Variants in DPPA2 observed in about 807,000 individuals in gnomAD.
DPPA2 encodes developmental pluripotency-associated protein 2.
Under a neutral mutation model 36.2 loss-of-function variants are expected in DPPA2, and 26 were observed. The observed-to-expected ratio is 0.72, with a 90% CI of 0.53 to 1.00. The LOEUF is 1.00. Ranked by LOEUF, DPPA2 falls within the 50% of genes least tolerant of loss-of-function variation. DPPA2 has a pLI of 0.00. For synonymous variants in DPPA2, 113 were observed against 123.2 expected (o/e 0.92, Z 0.55); for missense variants, 361 against 365.1 (o/e 0.99, Z 0.09).
intron 6 of DPPA2, among the ~76,000 whole-genome samples, chr3:109,305,644 C>T (rs1381003146): frequency 1.3e-5 from 2 of 151,882 alleles, no homozygotes; most frequent in Non-Finnish European, 1.5e-5. Flanking sequence ...TGTGGTGGCA[C>T]GCGCCTGTAA....
At chr3:109,297,453 G>C (rs1707375482) in intron 8 of DPPA2, among the ~76,000 whole-genome samples, 2 of 151,946 alleles carry the variant, frequency 1.3e-5, no homozygotes. Flanking sequence ...GAACCCAGGA[G>C]GCAAAGGTTG....
intron 7 of DPPA2, among the ~76,000 whole-genome samples, chr3:109,301,001 T>TA (rs71129037): frequency 4.0e-5 from 6 of 150,444 alleles, no homozygotes; most frequent in Admixed American, 6.6e-5. Context: ...TTTTTTTTTT[T>TA]AAGACAGGTT....
At chr3:109,311,679 G>A (rs1291367407) in intron 3 of DPPA2, among the ~76,000 whole-genome samples, 2 of 151,700 alleles carry the variant, frequency 1.3e-5, no homozygotes, top group Non-Finnish European at 2.9e-5. Context: ...GGCGGAGGTT[G>A]CAGTGAGCCA....
chr3:109,302,235 A>G (rs1235016613), intron 7 of DPPA2, among the ~76,000 whole-genome samples: 2 of 152,198 alleles, frequency 1.3e-5, no homozygotes, highest in Non-Finnish European at 1.5e-5. Context: ...TACTTCTCTC[A>G]GAACTCTAGA....
intron 3 of DPPA2, among the ~76,000 whole-genome samples, chr3:109,311,241 A>G (rs1707704350): frequency 1.3e-5 from 2 of 152,208 alleles, no homozygotes; most frequent in Non-Finnish European, 2.9e-5. Flanking sequence ...ATTTTGGACC[A>G]CAAAATATCA....
rs138236693 is a variant in DPPA2 at position 109,315,827 on chromosome 3, G to C, written c.-14+457C>G. ...GACGACCACTTGAGTCCAGAAGTTC[G>C]AGACCAGCCTGGGCAATATAGTGAG... On this transcript the variant is annotated intron_variant, in intron 1 of 8. Transcript: ENST00000478945. Among the ~76,000 whole-genome samples the C allele has an allele frequency of 2.0e-3, 298 of 152,142 alleles. 4 individuals are homozygous for C. Among genetic ancestry groups the C allele is most frequent in the East Asian group, 3.5e-3 (18 of 5,160 alleles).
intron 3 of DPPA2, among the ~76,000 whole-genome samples, chr3:109,309,551 G>T (rs868220940): frequency 6.6e-6 from 1 of 151,700 alleles, no homozygotes; most frequent in African/African-American, 2.4e-5. Context: ...TTAGCCGGGC[G>T]TGCTGGCGGG....
intron 7 of DPPA2, among the ~76,000 whole-genome samples, chr3:109,303,786 A>G (rs1457251797): frequency 6.6e-6 from 1 of 152,162 alleles, no homozygotes; most frequent in Non-Finnish European, 1.5e-5. Context: ...ACAAGTCTCT[A>G]AAATTGAGGC....
intron 7 of DPPA2, 94 bp from the exon 8 acceptor site, chr3:109,300,529 A>G (rs1432014228): frequency 3.1e-6 from 4 of 1,282,936 alleles, no homozygotes; most frequent in Non-Finnish European, 2.3e-6. Flanking sequence ...AAAATAAAGC[A>G]TGCACTTCTG....
At chr3:109,315,863 T>C (rs1163444) in intron 1 of DPPA2, among the ~76,000 whole-genome samples, 21,231 of 151,914 alleles carry the variant, frequency 0.14, 2,418 homozygotes, top group African/African-American at 0.3. Context: ...ACCTCATCTC[T>C]ATGAATAAAT....
intron 1 of DPPA2, among the ~76,000 whole-genome samples, chr3:109,314,986 A>G (rs941659904): frequency 6.6e-6 from 1 of 152,162 alleles, no homozygotes; most frequent in African/African-American, 2.4e-5. Flanking sequence ...GGACTGCTTG[A>G]GCCCAGGAGG....
In DPPA2 at chr3:109,304,673, G is replaced by A. The variant is rs369991812; in HGVS notation, c.659-3C>T. 126 of 1,575,396 alleles carry A rather than the reference G, an allele frequency of 8.0e-5. No homozygotes were observed. Among genetic ancestry groups the A allele is most frequent in the Non-Finnish European group, 1.0e-4 (116 of 1,163,274 alleles). On this transcript the variant is annotated splice_polypyrimidine_tract_variant and splice_region_variant and intron_variant, in intron 6 of 8. Transcript: ENST00000478945. Reference sequence around the variant, plus strand: ...ATGGACCACACACCACCTGACGCCTGGAAAGGAAAAACAAATATAGACAGC... The same window carrying A: ...ATGGACCACACACCACCTGACGCCTAGAAAGGAAAAACAAATATAGACAGC...
intron 6 of DPPA2, 53 bp downstream of exon 6, chr3:109,307,978 TA>T (rs1707609267): frequency 6.4e-7 from 1 of 1,572,650 alleles, no homozygotes; most frequent in Non-Finnish European, 8.6e-7. Flanking sequence ...CTTGGACTAA[TA>T]AAAGTTAACC....
chr3:109,310,677 T>A (rs1707691605), intron 3 of DPPA2, among the ~76,000 whole-genome samples: 2 of 151,546 alleles, frequency 1.3e-5, no homozygotes, highest in Non-Finnish European at 2.9e-5. Context: ...AGCTAATTTT[T>A]GTATTTTTAG....
At position 109,308,247 on chromosome 3, in the gene DPPA2, C is replaced by G; in HGVS notation, c.443G>C (p.Arg148Thr). 6.2e-7 allele frequency: 1 copy of G among 1,614,230 alleles called. No homozygotes were observed. The highest frequency in any genetic ancestry group is 8.5e-7 in the Non-Finnish European group (1 of 1,180,046). ...SQETRLQRCS[R>T]KRKAVTKRAR... is the part of the protein sequence containing the mutation. ...TCTCTTGGTCACTGCCTTGCGTTTC[C>G]TCGAACATCGCTGTAATCTGGTCTC... The change falls in exon 6 of 9, where the codon AGG becomes ACG. Residue 148 changes from arginine (R) to threonine (T), a missense_variant. Coordinates refer to ENST00000478945, the MANE Select transcript of DPPA2 (RefSeq NM_138815.4).
chr3:109,309,563 G>A (rs9810069), intron 3 of DPPA2, among the ~76,000 whole-genome samples: 3,551 of 151,602 alleles, frequency 0.023, 147 homozygotes, highest in African/African-American at 0.081. Context: ...GCTGGCGGGC[G>A]CCTGTAGTCC....
At chr3:109,311,235 TG>T (rs1254666208) in intron 3 of DPPA2, among the ~76,000 whole-genome samples, 1 of 152,208 alleles carries the variant, frequency 6.6e-6, no homozygotes, top group Admixed American at 6.5e-5. Flanking sequence ...GTCTAGATTT[TG>T]GACCACAAAA....
At chr3:109,304,369 G>C in intron 7 of DPPA2, 106 bp downstream of exon 7, 2 of 1,203,904 alleles carry the variant, frequency 1.7e-6, no homozygotes, top group Non-Finnish European at 2.3e-6. Flanking sequence ...GGCAAATTAA[G>C]AAGACAGCAT....
Position 109,300,426 on chromosome 3 carries a change from C to T in DPPA2, c.864G>A (p.Lys288=), listed in dbSNP as rs1279917947. ...LCPDCAKRNK[K]MMKRLMTVEK ...CTACTGTCATTAATCTTTTCATCAT[C>T]TTCTTATTCCTGTAAGGCAAGTAGA... Residue 288 remains lysine (K), a synonymous_variant, in exon 8 of 9, where the codon AAG becomes AAA. Coordinates refer to ENST00000478945, the MANE Select transcript of DPPA2 (RefSeq NM_138815.4). The T allele has an allele frequency of 8.7e-6, 14 of 1,613,936 alleles. No individual in the cohort carries two copies. The South Asian group carries it at 1.5e-4, about 18-fold the overall frequency.
Sources: gnomAD v4.1 joint callset for allele counts (sites outside exome capture counted in the v4.1 genomes callset) on GRCh38, gnomAD v4.1.1 for gene constraint, MANE v1.5 for transcripts, NCBI Gene and HGNC (gene_info 2026-07-23, HGNC 2026-07-21) for gene names.